Variants in MYT1L observed in about 807,000 individuals in gnomAD.
MYT1L encodes the protein myelin transcription factor 1 like, also known as myelin transcription factor 1-like protein.
In MYT1L, 12 loss-of-function variants were observed where a neutral mutation model predicts 126.7. The ratio of observed to expected loss-of-function variants is 0.09; its 90% CI spans 0.06 to 0.15. MYT1L has a LOEUF of 0.15. Among genes scored for constraint, MYT1L ranks in the 10% least tolerant of loss-of-function variants. The pLI is 1.00. For synonymous variants in MYT1L, 541 were observed against 604.2 expected (o/e 0.90, Z 1.53); for missense variants, 979 against 1,585.2 (o/e 0.62, Z 6.49).
At chr2:1,860,935 C>G (rs2044505009) in intron 18 of MYT1L, among the ~76,000 whole-genome samples, 1 of 152,038 alleles carries the variant, frequency 6.6e-6, no homozygotes, top group African/African-American at 2.4e-5. Context: ...ACGGAGGATC[C>G]AGCACCACCA....
chr2:2,197,893 C>T (rs929125790), intron 2 of MYT1L, among the ~76,000 whole-genome samples: 6 of 143,902 alleles, frequency 4.2e-5, no homozygotes, highest in South Asian at 2.2e-4. Context: ...ACACACACAA[C>T]GAATGTGTAC....
intron 17 of MYT1L, among the ~76,000 whole-genome samples, 183 bp from the exon 18 acceptor site, chr2:1,886,790 TTTC>T (rs769475846): frequency 8.5e-5 from 13 of 152,220 alleles, no homozygotes; most frequent in Non-Finnish European, 1.6e-4. Flanking sequence ...TAAGAAAATA[TTTC>T]TTAATAAGCA....
intron 9 of MYT1L, among the ~76,000 whole-genome samples, chr2:1,928,046 C>T (rs921602462): frequency 2.6e-5 from 4 of 152,156 alleles, no homozygotes; most frequent in African/African-American, 9.7e-5. Context: ...CTCATTCCCC[C>T]TGGCTCAAGT....
At position 1,981,701 on chromosome 2, in the gene MYT1L, G is replaced by A. The variant is rs1284376154; in HGVS notation, c.1-1924C>T. ...CCTTTCTTGAGCATGGGGAGGACGA[G>A]TCGCAAACATGTTTTAGAAAAAAAC... On this transcript the variant is annotated intron_variant, in intron 5 of 24. Coordinates refer to ENST00000647738, the MANE Select transcript of MYT1L (RefSeq NM_001303052.2). Among the ~76,000 whole-genome samples the A allele has an allele frequency of 2.6e-5, 4 of 152,186 alleles. No individual in the cohort carries two copies. In the East Asian group the frequency reaches 7.7e-4, roughly 29 times the overall value.
chr2:2,053,498 G>C (rs577566586), intron 4 of MYT1L, among the ~76,000 whole-genome samples: 12 of 152,302 alleles, frequency 7.9e-5, no homozygotes, highest in East Asian at 5.8e-4. Context: ...GCCCACAGTG[G>C]CAGCAAGGGA....
chr2:2,070,857 C>T (rs371140203), intron 3 of MYT1L, among the ~76,000 whole-genome samples: 3 of 152,088 alleles, frequency 2.0e-5, no homozygotes, highest in African/African-American at 4.8e-5. Context: ...CATTTAATAT[C>T]GATTTGAATA....
chr2:1,982,563 G>A (rs2060689304), intron 5 of MYT1L, among the ~76,000 whole-genome samples: 1 of 152,184 alleles, frequency 6.6e-6, no homozygotes, highest in South Asian at 2.1e-4. Context: ...AAGTTAACTG[G>A]ATGTTTCAGG....
At chr2:1,948,241 A>G (rs1379457877) in intron 8 of MYT1L, among the ~76,000 whole-genome samples, 2 of 152,186 alleles carry the variant, frequency 1.3e-5, no homozygotes, top group Non-Finnish European at 2.9e-5. Flanking sequence ...TCTGGCGTCA[A>G]ACTTCCAGTG....
At position 1,854,046 on chromosome 2, in the gene MYT1L, C is replaced by G. The variant is rs947525845; in HGVS notation, c.2712-2343G>C. Among the ~76,000 whole-genome samples, 9 of 152,098 alleles carry G rather than the reference C, an allele frequency of 5.9e-5. No homozygotes were observed. The East Asian group carries it at 1.5e-3, about 26-fold the overall frequency. ...TCCTTCTTGTTATAGGAGAATATGCCTTTTTAAAAAGCTTATTAATAGCAC... is the reference window on the plus strand; with the variant it reads ...TCCTTCTTGTTATAGGAGAATATGCGTTTTTAAAAAGCTTATTAATAGCAC... On this transcript the variant is annotated intron_variant, in intron 18 of 24. Coordinates refer to ENST00000647738, the MANE Select transcript of MYT1L (RefSeq NM_001303052.2).
intron 5 of MYT1L, among the ~76,000 whole-genome samples, chr2:1,983,561 C>G (rs1462968361): frequency 6.6e-6 from 1 of 152,214 alleles, no homozygotes; most frequent in Non-Finnish European, 1.5e-5. Context: ...CTTGCCGGCA[C>G]TCTCACACTT....
rs2048584181 is a variant in MYT1L at position 1,889,601 on chromosome 2, T to C, written c.2284-124A>G. On this transcript the variant is annotated intron_variant, in intron 15 of 24. Coordinates refer to ENST00000647738, the MANE Select transcript of MYT1L (RefSeq NM_001303052.2). This position sits in a 1 kb window ranked among gnomAD's most constrained non-coding sequence, Gnocchi z 4.1. Reference sequence around the variant, plus strand: ...CGTTCAACACAGAATCCCTCGCTGCTGTTTCCTTGGCCTAAACTCCCAAGG... The same window carrying C: ...CGTTCAACACAGAATCCCTCGCTGCCGTTTCCTTGGCCTAAACTCCCAAGG... 3 of 717,328 alleles carry C rather than the reference T, an allele frequency of 4.2e-6. No individual in the cohort carries two copies. In the South Asian group the frequency reaches 7.5e-5, roughly 18 times the overall value. The allele number at this position is 717,328 out of a possible 1,614,324, so 44.4% of individuals were successfully genotyped here.
chr2:1,985,025 C>A (rs1297091016), intron 5 of MYT1L, among the ~76,000 whole-genome samples: 1 of 152,108 alleles, frequency 6.6e-6, no homozygotes. Flanking sequence ...CGACAGAGTC[C>A]TCTTGCAGGA....
chr2:2,310,856 G>T (rs980431844), intron 1 of MYT1L, among the ~76,000 whole-genome samples: 1 of 151,532 alleles, frequency 6.6e-6, no homozygotes, highest in African/African-American at 2.4e-5. Flanking sequence ...TAAAGAGTTG[G>T]TTGAAAAAAT....
Position 1,922,731 on chromosome 2 carries a change from C to A in MYT1L, c.1038G>T (p.Pro346=), listed in dbSNP as rs368693343. Residue 346 remains proline (P), a synonymous_variant, in exon 10 of 25, where the codon CCG becomes CCT. Coordinates refer to ENST00000647738, the MANE Select transcript of MYT1L (RefSeq NM_001303052.2). This position sits in a 1 kb window ranked among gnomAD's most constrained non-coding sequence, Gnocchi z 7.4. The part of the protein sequence containing the change: ...DLARKLSETN[P]QERNPQQNMN... ...TGTTCTGCTGCGGATTCCTCTCCTGCGGGTTGGTCTCACTGAGCTTCCTGG... is the reference window on the plus strand; with the variant it reads ...TGTTCTGCTGCGGATTCCTCTCCTGAGGGTTGGTCTCACTGAGCTTCCTGG... The A allele has an allele frequency of 3.1e-6, 5 of 1,613,922 alleles. No individual in the cohort carries two copies. Among genetic ancestry groups the A allele is most frequent in the Middle Eastern group, 1.6e-4 (1 of 6,062 alleles).
At position 2,127,669 on chromosome 2, in the gene MYT1L, G is replaced by C. The variant is rs145839276; in HGVS notation, c.-304+45203C>G. On this transcript the variant is annotated intron_variant, in intron 3 of 24. Coordinates refer to ENST00000647738, the MANE Select transcript of MYT1L (RefSeq NM_001303052.2). ...TGAACCACGCAGCATGTGCACGTCT[G>C]TGTCTGGACTGAGCTCCGCAGCTCT... Among the ~76,000 whole-genome samples, 739 of 152,294 alleles carry C rather than the reference G, an allele frequency of 4.9e-3. 11 individuals are homozygous for C. The highest frequency in any genetic ancestry group is 0.017 in the African/African-American group (700 of 41,568).
intron 18 of MYT1L, among the ~76,000 whole-genome samples, chr2:1,866,652 A>G (rs1318787994): frequency 6.4e-4 from 28 of 43,928 alleles, no homozygotes; most frequent in African/African-American, 3.4e-3. Context: ...AGAGAGAGAC[A>G]GAGAGAGAGG....
chr2:1,831,139 G>A (rs913265762), intron 21 of MYT1L, among the ~76,000 whole-genome samples: 7 of 146,962 alleles, frequency 4.8e-5, no homozygotes, highest in Non-Finnish European at 7.7e-5. Flanking sequence ...TCGGGTGCCC[G>A]ACGCGTGTGT....
At chr2:1,915,339 C>T (rs561860567) in intron 11 of MYT1L, among the ~76,000 whole-genome samples, 65 of 152,274 alleles carry the variant, frequency 4.3e-4, no homozygotes, top group African/African-American at 1.3e-3. Flanking sequence ...GCACCTGTGC[C>T]GCCCATGTCA....
At chr2:1,978,031 G>C (rs115805473) in intron 8 of MYT1L, among the ~76,000 whole-genome samples, 116 of 152,282 alleles carry the variant, frequency 7.6e-4, no homozygotes, top group Non-Finnish European at 1.2e-3. Flanking sequence ...ATCTGTAACA[G>C]AGGAAGTCAG....
Sources: gnomAD v4.1 joint callset for allele counts (sites outside exome capture counted in the v4.1 genomes callset) on GRCh38, gnomAD v4.1.1 for gene constraint, Gnocchi (gnomAD v3.1) non-coding constraint, MANE v1.5 for transcripts, NCBI Gene and HGNC (gene_info 2026-07-23, HGNC 2026-07-21) for gene names.